ADAMTSL2: variants seen among roughly 807,000 people sequenced by gnomAD.
ADAMTSL2 encodes ADAMTS like 2.
Under a neutral mutation model 117.0 loss-of-function variants are expected in ADAMTSL2, and 55 were observed. The observed-to-expected ratio is 0.47, with a 90% CI of 0.38 to 0.59. ADAMTSL2 has a LOEUF of 0.59. Ranked by LOEUF, ADAMTSL2 falls within the 20% of genes least tolerant of loss-of-function variation. The pLI is 0.00. For missense variants in ADAMTSL2, 1,182 were observed against 1,354.5 expected, an observed-to-expected ratio of 0.87 and a Z score of 2.00; for synonymous variants, 572 against 566.4, an observed-to-expected ratio of 1.01 and a Z score of -0.14.
At chr9:133,544,648 C>A in intron 8 of ADAMTSL2, 98 bp downstream of exon 8, 1 of 1,052,186 alleles carries the variant, frequency 9.5e-7, no homozygotes, top group Non-Finnish European at 1.5e-6. Context: ...CCCCTTCCTC[C>A]AGGACAGGGA....
intron 9 of ADAMTSL2, among the ~76,000 whole-genome samples, chr9:133,549,992 C>T (rs1830445432): frequency 6.6e-6 from 1 of 152,214 alleles, no homozygotes; most frequent in African/African-American, 2.4e-5. Flanking sequence ...GCACACAGCA[C>T]CAGGACTAGG....
intron 1 of ADAMTSL2, among the ~76,000 whole-genome samples, chr9:133,535,250 G>A (rs1830023276): frequency 6.6e-6 from 1 of 152,124 alleles, no homozygotes; most frequent in Non-Finnish European, 1.5e-5. Context: ...CAAGTGTGAG[G>A]CCGGCTGGCA....
rs188088929 is a variant in ADAMTSL2, at chr9:133,539,646, C to G, written c.310-125C>G. On this transcript the variant is annotated intron_variant, in intron 4 of 18. Coordinates refer to ENST00000651351, the MANE Select transcript of ADAMTSL2 (RefSeq NM_014694.4). ...CTAGAGGCCACCCCGTGGGCCGTGG[C>G]CCCCGCACGGCTGTCCCGGCTGTCC... The G allele has an allele frequency of 0.015, 1,223 of 79,324 alleles. 20 individuals carry two copies. In the East Asian group the frequency reaches 0.21, roughly 13 times the overall value. 4.9% of individuals were successfully genotyped at this position (79,324 alleles called of 1,614,324 possible).
intron 12 of ADAMTSL2, among the ~76,000 whole-genome samples, chr9:133,563,219 C>A (rs1366149523): frequency 2.6e-5 from 4 of 152,266 alleles, no homozygotes; most frequent in African/African-American, 9.6e-5. Flanking sequence ...AGGGTGGCTG[C>A]CACCACCTGA....
At chr9:133,562,951 G>T (rs1449471743) in intron 12 of ADAMTSL2, among the ~76,000 whole-genome samples, 2 of 142,558 alleles carry the variant, frequency 1.4e-5, no homozygotes, top group African/African-American at 5.5e-5. Flanking sequence ...GGCTCGCACC[G>T]CTGTGGGCGG....
chr9:133,570,636 C>G, intron 17 of ADAMTSL2, 129 bp downstream of exon 17: 2 of 1,056,244 alleles, frequency 1.9e-6, no homozygotes, highest in Non-Finnish European at 2.8e-6. Context: ...TGAGGGCTTT[C>G]CTTCCCGGGA....
At chr9:133,560,531 A>G (rs1395432073) in intron 11 of ADAMTSL2, among the ~76,000 whole-genome samples, 1 of 152,216 alleles carries the variant, frequency 6.6e-6, no homozygotes, top group African/African-American at 2.4e-5. Context: ...AGTCCTAACA[A>G]TAGTTGGCTT....
In ADAMTSL2 at chr9:133,575,000, G is replaced by A. The variant is rs1278831880; in HGVS notation, c.*136G>A. 4.3e-6 allele frequency: 3 copies of A among 699,582 alleles called. No homozygotes were observed. Among genetic ancestry groups the A allele is most frequent in the Admixed American group, 2.3e-5 (1 of 44,032 alleles). 43.3% of individuals were successfully genotyped at this position (699,582 alleles called of 1,614,324 possible). A position where few individuals can be genotyped will look rare whatever the true frequency, so the allele number is the denominator to read the frequency against. ...GACGTGGCACTGAGCCTCGGCTGTC[G>A]AGAGGGGACTTCCCACGGCCCGTGG... is the stretch of plus-strand genomic sequence containing the variant. On this transcript the variant is annotated 3_prime_UTR_variant, in exon 19 of 19. Coordinates refer to ENST00000651351, the MANE Select transcript of ADAMTSL2 (RefSeq NM_014694.4).
intron 6 of ADAMTSL2, 28 bp downstream of exon 6, chr9:133,540,771 G>T (rs143307161): frequency 1.9e-6 from 3 of 1,613,560 alleles, no homozygotes; most frequent in Non-Finnish European, 1.7e-6. Context: ...CAAAAGTACC[G>T]CCGGTCTCAC....
chr9:133,539,979 G>A, intron 5 of ADAMTSL2, 106 bp downstream of exon 5: 5 of 1,081,824 alleles, frequency 4.6e-6, no homozygotes, highest in Non-Finnish European at 6.9e-6. Flanking sequence ...GTGGGGAAAT[G>A]GAGGTGGTCA....
At chr9:133,546,648 C>G (rs938720419) in intron 8 of ADAMTSL2, among the ~76,000 whole-genome samples, 2 of 152,146 alleles carry the variant, frequency 1.3e-5, no homozygotes, top group Non-Finnish European at 2.9e-5. Flanking sequence ...GGAGGGGCAC[C>G]CAGGACCCCT....
At chr9:133,570,540 T>G (rs1479032999) in intron 17 of ADAMTSL2, 33 bp downstream of exon 17, 28 of 1,594,744 alleles carry the variant, frequency 1.8e-5, no homozygotes, top group Non-Finnish European at 2.4e-5. Flanking sequence ...TGAGGTTGCC[T>G]GAGGCCAGAC....
rs56355857 is a variant in ADAMTSL2 at position 133,540,118 on chromosome 9, C to G, written c.412+245C>G. ...AGTTCCCTGCAGACCTGACCTCTGACGGCAGTGGTGACTTGCTCACTTACT... is the reference window on the plus strand; with the variant it reads ...AGTTCCCTGCAGACCTGACCTCTGAGGGCAGTGGTGACTTGCTCACTTACT... On this transcript the variant is annotated intron_variant, in intron 5 of 18. Transcript: ENST00000651351. Among the ~76,000 whole-genome samples, 28,836 of 152,174 alleles carry G rather than the reference C, an allele frequency of 0.19. 2,942 individuals carry two copies. Among genetic ancestry groups the G allele is most frequent in the African/African-American group, 0.22 (9,092 of 41,492 alleles).
rs868264505 is a variant in ADAMTSL2, at chr9:133,554,432, C to A, written c.1015C>A (p.Pro339Thr). Residue 339 changes from proline (P) to threonine (T), a missense_variant, in exon 10 of 19, where the codon CCC becomes ACC. Pro to Thr is a conservative substitution (Grantham distance 38). Coordinates refer to ENST00000651351, the MANE Select transcript of ADAMTSL2 (RefSeq NM_014694.4). This position sits in a 1 kb window ranked among gnomAD's most constrained non-coding sequence, Gnocchi z 5.2. ...TLLQPPHESR[P>T]QPIYYGFSES... is the part of the protein sequence containing the mutation. Reference sequence around the variant, plus strand: ...GCTGCAGCCGCCACACGAGAGCCGCCCCCAGCCCATCTACTATGGCTTCTC... The same window carrying A: ...GCTGCAGCCGCCACACGAGAGCCGCACCCAGCCCATCTACTATGGCTTCTC... The A allele has an allele frequency of 1.9e-6, 3 of 1,564,770 alleles. No homozygotes were observed. Among genetic ancestry groups the A allele is most frequent in the Non-Finnish European group, 1.7e-6 (2 of 1,155,076 alleles).
intron 13 of ADAMTSL2, 116 bp downstream of exon 13, chr9:133,567,178 T>TG: frequency 7.4e-7 from 1 of 1,355,624 alleles, no homozygotes; most frequent in Non-Finnish European, 1.0e-6. Context: ...TGCAGGGCCG[T>TG]GGGGGCTCTT....
In ADAMTSL2 at chr9:133,572,284, C is replaced by A. The variant is rs955193261; in HGVS notation, c.2593-1559C>A. ...CATTCCCTGTTGCCCACCAAAGGAC[C>A]CCCGAGTGAGGAGGGGAAAGGCTGA... On this transcript the variant is annotated intron_variant, in intron 17 of 18. Transcript: ENST00000651351. 2.4e-4 allele frequency among the ~76,000 whole-genome samples: 36 copies of A among 152,130 alleles called. No individual in the cohort carries two copies. The South Asian group carries it at 7.3e-3, about 31-fold the overall frequency.
Position 133,555,757 on chromosome 9 carries a change from C to A in ADAMTSL2, c.1476C>A (p.Ala492=). The part of the protein sequence containing the change: ...FAQGAPRSSL[A]ESFFVDYEEN... ...AGGGCGCCCCAAGGAGCTCCCTGGC[C>A]GAGAGCTTCTTCGTGGATTATGAGG... Residue 492 remains alanine (A), a synonymous_variant, in exon 11 of 19, where the codon GCC becomes GCA. Transcript: ENST00000651351. The A allele has an allele frequency of 6.2e-7, 1 of 1,614,034 alleles. No homozygotes were observed.
At chr9:133,539,214 T>C (rs978149704) in intron 4 of ADAMTSL2, among the ~76,000 whole-genome samples, 4 of 152,134 alleles carry the variant, frequency 2.6e-5, no homozygotes, top group Non-Finnish European at 5.9e-5. Flanking sequence ...GGGAGGGGCA[T>C]TTATGAGCTC....
intron 17 of ADAMTSL2, among the ~76,000 whole-genome samples, chr9:133,572,646 C>T (rs1047221246): frequency 6.6e-6 from 1 of 152,104 alleles, no homozygotes. Context: ...AGCGATGAAG[C>T]GGGGACCCCA....
Sources: gnomAD v4.1 joint callset for allele counts (sites outside exome capture counted in the v4.1 genomes callset) on GRCh38, gnomAD v4.1.1 for gene constraint, Gnocchi (gnomAD v3.1) non-coding constraint, MANE v1.5 for transcripts, NCBI Gene and HGNC (gene_info 2026-07-23, HGNC 2026-07-21) for gene names.